Variants in TRAF1 observed in about 807,000 individuals in gnomAD.
The protein encoded by TRAF1 is TNF receptor associated factor 1, also known as TNF receptor-associated factor 1.
Under a neutral mutation model 40.9 loss-of-function variants are expected in TRAF1, and 23 were observed. The ratio of observed to expected loss-of-function variants is 0.56; its 90% CI spans 0.40 to 0.80. TRAF1 has a LOEUF of 0.80. Among genes scored for constraint, TRAF1 ranks in the 30% least tolerant of loss-of-function variants. TRAF1 has a pLI of 0.00. For missense variants in TRAF1, 477 were observed against 528.7 expected (o/e 0.90, Z 0.96); for synonymous variants, 206 against 218.8 (o/e 0.94, Z 0.52).
In TRAF1 at chr9:120,914,313, A is replaced by G; in HGVS notation, c.229-13T>C. 1.3e-6 allele frequency: 2 copies of G among 1,495,388 alleles called. No individual in the cohort carries two copies. Among genetic ancestry groups the G allele is most frequent in the East Asian group, 2.4e-5 (1 of 41,866 alleles). 92.6% of individuals were successfully genotyped at this position (1,495,388 alleles called of 1,614,324 possible). On this transcript the variant is annotated splice_polypyrimidine_tract_variant and intron_variant, in intron 3 of 7. Transcript: ENST00000373887. Reference sequence around the variant, plus strand: ...CCTCGGGGTGAGCCTGGAAATAATAATCACATCACTGAATGTTATAGCGAT... The same window carrying G: ...CCTCGGGGTGAGCCTGGAAATAATAGTCACATCACTGAATGTTATAGCGAT...
At chr9:120,905,319 G>A in intron 7 of TRAF1, 81 bp from the exon 8 acceptor site, 3 of 1,390,200 alleles carry the variant, frequency 2.2e-6, no homozygotes, top group East Asian at 5.0e-5. Context: ...TCAGAGCTGT[G>A]CTCCACACCT....
chr9:120,923,630 G>T, intron 3 of TRAF1, 75 bp downstream of exon 3: 1 of 1,424,706 alleles, frequency 7.0e-7, no homozygotes, highest in Non-Finnish European at 9.9e-7. Flanking sequence ...GGTGGAGTGG[G>T]CAGCTGTCTA....
chr9:120,913,691 G>A lies in TRAF1; in HGVS notation c.342C>T (p.Ser114=). The A allele has an allele frequency of 4.4e-6, 7 of 1,606,000 alleles. No homozygotes were observed. Among genetic ancestry groups the A allele is most frequent in the Non-Finnish European group, 6.0e-6 (7 of 1,174,974 alleles). ...VQEHEVTSQT[S]HLNLLLGFMK... ...TGAACCCCAACAGCAGGTTTAGGTG[G>A]GAGGTCTGGGAGGTGACCTCATGCT... Residue 114 remains serine (S), a synonymous_variant, in exon 5 of 8, where the codon TCC becomes TCT. Coordinates refer to ENST00000373887, the MANE Select transcript of TRAF1 (RefSeq NM_005658.5).
chr9:120,904,896 G>C lies in TRAF1; in HGVS notation c.*124C>G. On this transcript the variant is annotated 3_prime_UTR_variant, in exon 8 of 8. Transcript: ENST00000373887. ...AGCCCGAAGTCGACCCCTCAGTCTT[G>C]CTTGGATCATGCCAGCCTTCACCCA... 3 of 1,032,550 alleles carry C rather than the reference G, an allele frequency of 2.9e-6. No homozygotes were observed. Among genetic ancestry groups the C allele is most frequent in the Non-Finnish European group, 4.2e-6 (3 of 706,110 alleles). The allele number at this position is 1,032,550 out of a possible 1,614,324, so 64.0% of individuals were successfully genotyped here.
At chr9:120,912,937 C>T (rs1303390689) in intron 5 of TRAF1, among the ~76,000 whole-genome samples, 3 of 152,160 alleles carry the variant, frequency 2.0e-5, no homozygotes, top group Non-Finnish European at 2.9e-5. Flanking sequence ...GAAGGGCTGT[C>T]ATGGGGACTA....
chr9:120,921,305 T>C (rs2046603883), intron 3 of TRAF1, among the ~76,000 whole-genome samples: 1 of 151,794 alleles, frequency 6.6e-6, no homozygotes, highest in Admixed American at 6.6e-5. Flanking sequence ...GGGGCTCGGA[T>C]AGGAGAAAGA....
intron 3 of TRAF1, 122 bp downstream of exon 3, chr9:120,923,583 G>A: frequency 1.2e-6 from 1 of 865,374 alleles, no homozygotes; most frequent in South Asian, 1.4e-5. Flanking sequence ...AGCAAATTCA[G>A]TCTGGACTCA....
At chr9:120,918,900 G>A (rs182140755) in intron 3 of TRAF1, among the ~76,000 whole-genome samples, 1 of 152,366 alleles carries the variant, frequency 6.6e-6, no homozygotes, top group Admixed American at 6.5e-5. Context: ...ACAGCCATGA[G>A]GGGGAGGTTG....
Position 120,913,321 on chromosome 9 carries a change from C to A in TRAF1, c.705+7G>T. On this transcript the variant is annotated splice_region_variant and intron_variant, in intron 5 of 7. Coordinates refer to ENST00000373887, the MANE Select transcript of TRAF1 (RefSeq NM_005658.5). ...GGCTTGAAGGCAAACCTGCCTCCCA[C>A]ACTCACCCTCTGCTCCAAGCTCAGG... The A allele has an allele frequency of 1.3e-6, 2 of 1,593,506 alleles. No homozygotes were observed. The highest frequency in any genetic ancestry group is 1.7e-6 in the Non-Finnish European group (2 of 1,167,024).
intron 4 of TRAF1, 79 bp downstream of exon 4, chr9:120,914,156 A>G: frequency 8.0e-7 from 1 of 1,253,194 alleles, no homozygotes. Context: ...CGGGAAAATC[A>G]TGGAGGGGCT....
At chr9:120,925,035 G>C (rs1362018978) in intron 2 of TRAF1, among the ~76,000 whole-genome samples, 1 of 152,248 alleles carries the variant, frequency 6.6e-6, no homozygotes, top group Non-Finnish European at 1.5e-5. Flanking sequence ...TCCACCTCCT[G>C]GCTGGCCTTT....
intron 5 of TRAF1, among the ~76,000 whole-genome samples, chr9:120,911,840 C>T (rs924993495): frequency 2.0e-5 from 3 of 152,138 alleles, no homozygotes; most frequent in Admixed American, 6.5e-5. Context: ...TCTCCTCCAC[C>T]GAAAGCTGGG....
At chr9:120,917,867 G>A (rs2046579273) in intron 3 of TRAF1, among the ~76,000 whole-genome samples, 1 of 151,946 alleles carries the variant, frequency 6.6e-6, no homozygotes, top group South Asian at 2.1e-4. Flanking sequence ...CCATTGTTAT[G>A]GGCTCAGCAA....
chr9:120,927,763 A>C (rs1209162653), upstream of TRAF1: 3 of 152,338 alleles, frequency 2.0e-5, no homozygotes, highest in African/African-American at 7.2e-5. Context: ...CACAATGTAC[A>C]TCAGGACCTC....
intron 3 of TRAF1, among the ~76,000 whole-genome samples, chr9:120,916,574 A>G (rs1379549576): frequency 6.6e-6 from 1 of 152,176 alleles, no homozygotes; most frequent in Admixed American, 6.5e-5. Context: ...CAAATACAAA[A>G]AGTCACACTA....
At chr9:120,913,787 C>T (rs763606908) in intron 4 of TRAF1, 49 bp from the exon 5 acceptor site, 6 of 1,509,634 alleles carry the variant, frequency 4.0e-6, no homozygotes, top group Non-Finnish European at 5.3e-6. Context: ...GGAGTGAGGA[C>T]AGGGGAGCAG....
upstream of TRAF1, chr9:120,928,860 G>C (rs1315831151): frequency 6.6e-6 from 1 of 152,254 alleles, no homozygotes; most frequent in Non-Finnish European, 1.5e-5. Flanking sequence ...ATCCAGTTGC[G>C]AGGGCAGCGC....
At chr9:120,914,404 C>A (rs2046555174) in intron 3 of TRAF1, 104 bp from the exon 4 acceptor site, 3 of 1,276,894 alleles carry the variant, frequency 2.3e-6, no homozygotes, top group East Asian at 5.8e-5. Context: ...ATGGCTTGGG[C>A]CACATGACTT....
chr9:120,926,150 C>A lies in TRAF1; in HGVS notation c.-75G>T, dbSNP rs2046639469. 7.0e-7 allele frequency: 1 copy of A among 1,433,558 alleles called. No homozygotes were observed. The highest frequency in any genetic ancestry group is 1.4e-5 in the African/African-American group (1 of 69,010). The allele number at this position is 1,433,558 out of a possible 1,614,324, so 88.8% of individuals were successfully genotyped here. On this transcript the variant is annotated 5_prime_UTR_variant, in exon 2 of 8. Transcript: ENST00000373887. ...GGGGACCAGCCTTGTGGAGTCCTGG[C>A]CTGGGCCTCACTCTCTGGTGAGTAG... is the stretch of plus-strand genomic sequence containing the variant.
Sources: allele counts gnomAD v4.1 joint callset (sites outside exome capture counted in the v4.1 genomes callset), GRCh38; gene constraint gnomAD v4.1.1; transcripts MANE v1.5; gene names NCBI Gene and HGNC (gene_info 2026-07-23, HGNC 2026-07-21).